The following ITSN1 variants were observed in gnomAD, a reference collection of about 807,000 sequenced individuals.
ITSN1 encodes the protein intersectin-1.
A neutral mutation model predicts 239.8 loss-of-function variants in ITSN1; 58 were observed. That is an observed-to-expected ratio of 0.24 (90% CI 0.20 to 0.30). The LOEUF is 0.30. ITSN1 is among the 10% of genes least tolerant of loss of function. The pLI is 1.00. For synonymous variants in ITSN1, 780 were observed against 770.8 expected, an observed-to-expected ratio of 1.01 and a Z score of -0.20; for missense variants, 1,558 against 2,103.3, an observed-to-expected ratio of 0.74 and a Z score of 5.07.
chr21:33,794,033 A>G (rs1340846951), intron 16 of ITSN1, among the ~76,000 whole-genome samples: 3 of 152,226 alleles, frequency 2.0e-5, no homozygotes, highest in Admixed American at 6.5e-5. Flanking sequence ...GTTACGTTCC[A>G]TTATGATTGC....
Position 33,755,360 on chromosome 21 carries a change from C to T in ITSN1, c.687C>T (p.Phe229=). ...CAAGACTGAAATACAGGCAATTATT[C>T]AATAGTCATGACAAAACTATGAGTG... is the stretch of plus-strand genomic sequence containing the variant. The part of the protein sequence containing the change: ...QSSRLKYRQL[F]NSHDKTMSGH... Residue 229 remains phenylalanine (F), a synonymous_variant, in exon 8 of 40, where the codon TTC becomes TTT. Transcript: ENST00000381318. 6.2e-7 allele frequency: 1 copy of T among 1,608,644 alleles called. No homozygotes were observed. Among genetic ancestry groups the T allele is most frequent in the Non-Finnish European group, 8.5e-7 (1 of 1,176,286 alleles).
chr21:33,721,629 C>G (rs1241784308), intron 3 of ITSN1, among the ~76,000 whole-genome samples: 2 of 151,438 alleles, frequency 1.3e-5, no homozygotes, highest in African/African-American at 4.9e-5. Flanking sequence ...AACCCCGTCT[C>G]TACTAAAAAT....
chr21:33,660,659 G>A (rs952392933), intron 1 of ITSN1, among the ~76,000 whole-genome samples: 2 of 152,182 alleles, frequency 1.3e-5, no homozygotes, highest in African/African-American at 4.8e-5. Context: ...ATACAGATAT[G>A]TAGTTGGAAA....
Position 33,847,816 on chromosome 21 carries a change from C to T in ITSN1, c.3662-8920C>T, listed in dbSNP as rs148943373. Among the ~76,000 whole-genome samples the T allele has an allele frequency of 5.7e-4, 87 of 152,316 alleles. No individual in the cohort carries two copies. The East Asian group carries it at 0.014, about 25-fold the overall frequency. ...GACGGATCAGTTTCCAAATCCCACCCGCTTTTCGCGCCAGGTGTCTTGATT... is the reference window on the plus strand; with the variant it reads ...GACGGATCAGTTTCCAAATCCCACCTGCTTTTCGCGCCAGGTGTCTTGATT... On this transcript the variant is annotated intron_variant, in intron 29 of 39. Coordinates refer to ENST00000381318, the MANE Select transcript of ITSN1 (RefSeq NM_003024.3).
At chr21:33,713,275 C>T (rs1010273200) in intron 1 of ITSN1, among the ~76,000 whole-genome samples, 17 of 149,818 alleles carry the variant, frequency 1.1e-4, no homozygotes, top group Admixed American at 9.3e-4. Context: ...AGTCTTGCTC[C>T]GTCTCCCAGG....
At chr21:33,653,825 GTCTT>G (rs915897628) in intron 1 of ITSN1, among the ~76,000 whole-genome samples, 6 of 152,038 alleles carry the variant, frequency 3.9e-5, no homozygotes, top group African/African-American at 1.4e-4. Context: ...CCCGGCCAAT[GTCTT>G]TCTTTTTTTT....
intron 11 of ITSN1, among the ~76,000 whole-genome samples, chr21:33,770,772 T>TC (rs1192445726): frequency 6.6e-6 from 1 of 151,188 alleles, no homozygotes; most frequent in East Asian, 1.9e-4. Context: ...GAATTTTTTT[T>TC]TTTTTTTTTT....
chr21:33,773,058 A>AT (rs2069299901), intron 12 of ITSN1, among the ~76,000 whole-genome samples: 2 of 150,112 alleles, frequency 1.3e-5, no homozygotes, highest in East Asian at 3.9e-4. Flanking sequence ...CCAGGCTGGA[A>AT]TGCAGTGGCA....
At chr21:33,732,763 A>C (rs1368837451) in intron 4 of ITSN1, among the ~76,000 whole-genome samples, 5 of 152,200 alleles carry the variant, frequency 3.3e-5, no homozygotes, top group African/African-American at 1.2e-4. Context: ...TAATTTTTTA[A>C]AATAAAAAAT....
chr21:33,713,749 C>G (rs2092482981), intron 1 of ITSN1, among the ~76,000 whole-genome samples: 1 of 151,514 alleles, frequency 6.6e-6, no homozygotes, highest in Admixed American at 6.6e-5. Flanking sequence ...TCCTTAGGAG[C>G]CAAGGAGAAC....
intron 18 of ITSN1, among the ~76,000 whole-genome samples, chr21:33,799,274 G>A (rs1055176524): frequency 6.6e-6 from 1 of 152,106 alleles, no homozygotes; most frequent in Non-Finnish European, 1.5e-5. Context: ...GTCTTCATCG[G>A]GGATTATCAG....
chr21:33,740,235 G>C (rs907070720), intron 5 of ITSN1, among the ~76,000 whole-genome samples: 1 of 152,164 alleles, frequency 6.6e-6, no homozygotes, highest in Non-Finnish European at 1.5e-5. Flanking sequence ...GGATGACTAC[G>C]TTTGACTGAA....
intron 5 of ITSN1, among the ~76,000 whole-genome samples, chr21:33,749,253 G>T (rs529218800): frequency 2.0e-5 from 3 of 151,976 alleles, no homozygotes; most frequent in Non-Finnish European, 4.4e-5. Context: ...GCCTTCCAAA[G>T]TAGTGAGTTT....
chr21:33,847,824 G>A (rs2834279), intron 29 of ITSN1, among the ~76,000 whole-genome samples: 8 of 152,088 alleles, frequency 5.3e-5, no homozygotes, highest in Non-Finnish European at 8.8e-5. Flanking sequence ...CCCGCTTTTC[G>A]CGCCAGGTGT....
chr21:33,827,547 C>G (rs1224734274), intron 26 of ITSN1, among the ~76,000 whole-genome samples: 2 of 152,138 alleles, frequency 1.3e-5, no homozygotes, highest in Non-Finnish European at 2.9e-5. Context: ...TTTTTCATTT[C>G]ATAACAATGC....
intron 24 of ITSN1, among the ~76,000 whole-genome samples, chr21:33,820,421 T>C (rs1003682940): frequency 1.3e-5 from 2 of 152,240 alleles, no homozygotes; most frequent in Admixed American, 6.5e-5. Context: ...TAGTAATTCT[T>C]TATGGGTTCC....
chr21:33,660,968 TA>T (rs2089505009), intron 1 of ITSN1, among the ~76,000 whole-genome samples: 1 of 152,204 alleles, frequency 6.6e-6, no homozygotes, highest in Admixed American at 6.5e-5. Flanking sequence ...CATTAAACAA[TA>T]TCACAAAATC....
chr21:33,670,614 C>G (rs2090208851), intron 1 of ITSN1, among the ~76,000 whole-genome samples: 1 of 152,138 alleles, frequency 6.6e-6, no homozygotes, highest in Admixed American at 6.5e-5. Context: ...ATGCATGAAT[C>G]ATTGCAGCCA....
Position 33,896,318 on chromosome 21 carries a change from C to A in ITSN1, c.*8018C>A, listed in dbSNP as rs1011172333. 6.6e-6 allele frequency: 1 copy of A among 152,262 alleles called. No homozygotes were observed. The highest frequency in any genetic ancestry group is 1.5e-5 in the Non-Finnish European group (1 of 68,068). The allele number at this position is 152,262 out of a possible 1,614,324, so 9.4% of individuals were successfully genotyped here. On this transcript the variant is annotated 3_prime_UTR_variant, in exon 40 of 40. Transcript: ENST00000381318. ...TTGAGCTCACTGCTTGGAAATAAAA[C>A]CCTTCCTCTGGGCCTTGGGCATCCA...
Sources: allele counts gnomAD v4.1 joint callset (sites outside exome capture counted in the v4.1 genomes callset), GRCh38; gene constraint gnomAD v4.1.1; transcripts MANE v1.5; gene names NCBI Gene and HGNC (gene_info 2026-07-23, HGNC 2026-07-21).